Variants in CDH4 observed in about 807,000 individuals in gnomAD.
The protein encoded by CDH4 is cadherin 4.
CDH4 carries 33 observed loss-of-function variants against 86.0 expected under a neutral mutation model. The ratio of observed to expected loss-of-function variants is 0.38; its 90% CI spans 0.29 to 0.51. The LOEUF is 0.51. CDH4 is among the 20% of genes least tolerant of loss of function. CDH4 has a pLI of 0.86. For synonymous variants in CDH4, 555 were observed against 549.4 expected, an observed-to-expected ratio of 1.01 and a Z score of -0.14; for missense variants, 1,114 against 1,307.4, an observed-to-expected ratio of 0.85 and a Z score of 2.28.
chr20:61,668,059 A>T (rs2087346809), intron 2 of CDH4, among the ~76,000 whole-genome samples: 1 of 152,194 alleles, frequency 6.6e-6, no homozygotes, highest in Non-Finnish European at 1.5e-5. Flanking sequence ...TTCTATATTG[A>T]AAAGAGTGAG....
At chr20:61,583,426 T>C (rs868510441) in intron 2 of CDH4, among the ~76,000 whole-genome samples, 19 of 151,764 alleles carry the variant, frequency 1.3e-4, no homozygotes, top group African/African-American at 4.1e-4. Context: ...GAGCATCAGA[T>C]GTTTGAGGGG....
intron 2 of CDH4, among the ~76,000 whole-genome samples, chr20:61,303,921 C>T (rs1190949683): frequency 6.6e-6 from 1 of 152,178 alleles, no homozygotes; most frequent in East Asian, 1.9e-4. Context: ...GCAACACGTG[C>T]ACCTCCTCTT....
At chr20:61,521,508 C>A (rs1421201199) in intron 2 of CDH4, among the ~76,000 whole-genome samples, 1 of 152,166 alleles carries the variant, frequency 6.6e-6, no homozygotes, top group Non-Finnish European at 1.5e-5. Context: ...GACGGCACAC[C>A]ACAGGCTTCA....
At chr20:61,515,432 G>A (rs1479948391) in intron 2 of CDH4, among the ~76,000 whole-genome samples, 2 of 152,228 alleles carry the variant, frequency 1.3e-5, no homozygotes, top group South Asian at 2.1e-4. Context: ...CTTAGATCCT[G>A]GTTTTCCCTG....
At chr20:61,730,149 G>C (rs192870909) in intron 2 of CDH4, among the ~76,000 whole-genome samples, 1 of 152,050 alleles carries the variant, frequency 6.6e-6, no homozygotes, top group African/African-American at 2.4e-5. Flanking sequence ...TGTCAGTACC[G>C]ACGCGTTATT....
chr20:61,435,026 G>A (rs1162021946), intron 2 of CDH4, among the ~76,000 whole-genome samples: 1 of 152,140 alleles, frequency 6.6e-6, no homozygotes, highest in Non-Finnish European at 1.5e-5. Context: ...TGGTACATGG[G>A]TGTCCTGCAG....
At chr20:61,654,652 C>T (rs77602967) in intron 2 of CDH4, among the ~76,000 whole-genome samples, 22,110 of 152,284 alleles carry the variant, frequency 0.15, 2,074 homozygotes, top group Non-Finnish European at 0.21. Flanking sequence ...GCATCAAAAA[C>T]AACTTCCTAA....
At chr20:61,848,239 T>C (rs1388816496) in intron 5 of CDH4, among the ~76,000 whole-genome samples, 3 of 152,150 alleles carry the variant, frequency 2.0e-5, no homozygotes, top group Non-Finnish European at 4.4e-5. Context: ...GAGCTGGCCA[T>C]GAAAGAAGAT....
At chr20:61,415,871 C>T (rs184789886) in intron 2 of CDH4, among the ~76,000 whole-genome samples, 42 of 151,646 alleles carry the variant, frequency 2.8e-4, no homozygotes, top group African/African-American at 1.9e-4. Context: ...GGCTACTTGT[C>T]GTATTTTTAG....
chr20:61,803,684 C>T (rs1039540684), intron 4 of CDH4, among the ~76,000 whole-genome samples: 14 of 152,226 alleles, frequency 9.2e-5, no homozygotes, highest in Non-Finnish European at 1.6e-4. Context: ...CAGAGCTCTG[C>T]GTTCCCCAAG....
At chr20:61,381,986 G>T (rs916226046) in intron 2 of CDH4, among the ~76,000 whole-genome samples, 4 of 152,048 alleles carry the variant, frequency 2.6e-5, no homozygotes, top group Admixed American at 2.6e-4. Context: ...TGAGGCAGGA[G>T]AATTGTTTGA....
At chr20:61,844,258 G>T (rs1332751131) in intron 4 of CDH4, among the ~76,000 whole-genome samples, 14 of 152,172 alleles carry the variant, frequency 9.2e-5, no homozygotes, top group Admixed American at 9.2e-4. Context: ...AATTAGAAAG[G>T]CTGGGACACA....
intron 4 of CDH4, among the ~76,000 whole-genome samples, chr20:61,815,722 C>G (rs1980682806): frequency 6.6e-6 from 1 of 152,132 alleles, no homozygotes; most frequent in South Asian, 2.1e-4. Context: ...GAGGTCCAGG[C>G]CAGAATTAAA....
intron 7 of CDH4, among the ~76,000 whole-genome samples, chr20:61,875,051 G>T (rs990128872): frequency 2.0e-5 from 3 of 152,218 alleles, no homozygotes; most frequent in Non-Finnish European, 2.9e-5. Context: ...GCTTGCTGGT[G>T]TCGCTTTTGG....
At chr20:61,908,887 G>T (rs942842005) in intron 8 of CDH4, among the ~76,000 whole-genome samples, 1 of 152,360 alleles carries the variant, frequency 6.6e-6, no homozygotes. Context: ...AGGCTCCTGG[G>T]TTCAGGTCAC....
At chr20:61,531,453 A>G (rs528499177) in intron 2 of CDH4, among the ~76,000 whole-genome samples, 13 of 139,714 alleles carry the variant, frequency 9.3e-5, no homozygotes, top group African/African-American at 3.2e-4. Flanking sequence ...AGCCTGGGCG[A>G]CAGAGCAAGA....
At chr20:61,656,576 G>C (rs2087194044) in intron 2 of CDH4, among the ~76,000 whole-genome samples, 1 of 152,180 alleles carries the variant, frequency 6.6e-6, no homozygotes, top group South Asian at 2.1e-4. Context: ...GCGTGGGTCA[G>C]TGTGCGTCGT....
intron 4 of CDH4, among the ~76,000 whole-genome samples, chr20:61,839,777 G>A (rs77615274): frequency 0.034 from 5,128 of 151,774 alleles, 137 homozygotes; most frequent in African/African-American, 0.075. Flanking sequence ...TGTTGTGTGT[G>A]TACATGTATG....
chr20:61,625,566 T>C (rs1316061806), intron 2 of CDH4, among the ~76,000 whole-genome samples: 1 of 152,140 alleles, frequency 6.6e-6, no homozygotes, highest in Non-Finnish European at 1.5e-5. Flanking sequence ...AGCAGATCAA[T>C]GAAAACAAAT....
Sources: allele counts gnomAD v4.1 joint callset (sites outside exome capture counted in the v4.1 genomes callset), GRCh38; gene constraint gnomAD v4.1.1; transcripts MANE v1.5; gene names NCBI Gene and HGNC (gene_info 2026-07-23, HGNC 2026-07-21).